Variants in EYS observed in about 807,000 individuals in gnomAD.
EYS encodes EGF-like photoreceptor maintenance factor.
In EYS, 250 loss-of-function variants were observed where a neutral mutation model predicts 282.1. The observed-to-expected ratio is 0.89, with a 90% CI of 0.80 to 0.98. The LOEUF is 0.98. Among genes scored for constraint, EYS ranks in the 50% least tolerant of loss-of-function variants. EYS has a pLI of 0.00. For synonymous variants in EYS, 1,355 were observed against 1,282.9 expected (o/e 1.06, Z -1.20); for missense variants, 4,016 against 3,709.0 (o/e 1.08, Z -2.15).
chr6:65,483,842 A>G (rs1204079072), intron 5 of EYS, among the ~76,000 whole-genome samples: 1 of 152,104 alleles, frequency 6.6e-6, no homozygotes, highest in East Asian at 1.9e-4. Context: ...CACATCTTAC[A>G]TGGATGGCAG....
At chr6:65,478,975 G>GA (rs1271902232) in intron 5 of EYS, among the ~76,000 whole-genome samples, 1 of 152,066 alleles carries the variant, frequency 6.6e-6, no homozygotes, top group African/African-American at 2.4e-5. Context: ...AGTAAACTCA[G>GA]AAATTTATCC....
At chr6:65,293,075 C>A (rs755001497) in intron 12 of EYS, among the ~76,000 whole-genome samples, 1 of 151,458 alleles carries the variant, frequency 6.6e-6, no homozygotes, top group South Asian at 2.1e-4. Flanking sequence ...AACTTGAATC[C>A]TATTGGTTAA....
At chr6:64,288,608 A>G (rs1768583604) in intron 30 of EYS, among the ~76,000 whole-genome samples, 1 of 152,140 alleles carries the variant, frequency 6.6e-6, no homozygotes, top group Admixed American at 6.6e-5. Context: ...GCCTGATAAC[A>G]CATCCTCATA....
intron 5 of EYS, among the ~76,000 whole-genome samples, chr6:65,443,689 CAT>C (rs1049001751): frequency 3.5e-5 from 5 of 142,268 alleles, no homozygotes; most frequent in African/African-American, 7.6e-5. Context: ...CACACATACA[CAT>C]ATATACACAT....
chr6:63,961,723 C>A (rs368223549), intron 35 of EYS, among the ~76,000 whole-genome samples: 1 of 152,094 alleles, frequency 6.6e-6, no homozygotes. Context: ...TAATCCCATC[C>A]GTAATGGTGG....
At chr6:65,320,458 G>T (rs1769442285) in intron 11 of EYS, among the ~76,000 whole-genome samples, 1 of 152,134 alleles carries the variant, frequency 6.6e-6, no homozygotes, top group Non-Finnish European at 1.5e-5. Context: ...GCAGCCCTGG[G>T]ACTGGTGCAG....
chr6:64,229,097 A>C (rs1392907561), intron 31 of EYS, among the ~76,000 whole-genome samples: 2 of 152,144 alleles, frequency 1.3e-5, no homozygotes, highest in Non-Finnish European at 2.9e-5. Flanking sequence ...TAACGTGGTG[A>C]AATCCTGTCT....
chr6:64,675,435 T>TTC (rs1223262227), intron 22 of EYS, among the ~76,000 whole-genome samples: 5 of 142,758 alleles, frequency 3.5e-5, no homozygotes, highest in South Asian at 2.3e-4. Flanking sequence ...TTTCTTTTTT[T>TTC]TTTTTTTTTT....
chr6:64,648,685 A>G (rs951397807), intron 22 of EYS, among the ~76,000 whole-genome samples: 2 of 152,224 alleles, frequency 1.3e-5, no homozygotes, highest in Non-Finnish European at 2.9e-5. Flanking sequence ...CAAAAAGTAA[A>G]GGTCATAAAA....
At chr6:65,295,495 A>G (rs1473642982) in intron 12 of EYS, among the ~76,000 whole-genome samples, 1 of 151,906 alleles carries the variant, frequency 6.6e-6, no homozygotes, top group African/African-American at 2.4e-5. Context: ...TTGTCACTCC[A>G]TGTGCTTATG....
At chr6:64,212,810 G>A (rs1004451478) in intron 31 of EYS, among the ~76,000 whole-genome samples, 3 of 152,000 alleles carry the variant, frequency 2.0e-5, no homozygotes, top group East Asian at 1.9e-4. Flanking sequence ...TCATGCATGC[G>A]TATGTTCATT....
At chr6:64,634,061 T>G (rs6454941) in intron 22 of EYS, among the ~76,000 whole-genome samples, 91,289 of 152,052 alleles carry the variant, frequency 0.6, 27,582 homozygotes, top group South Asian at 0.68. Context: ...TCAACTCACT[T>G]CAACCTCCGC....
intron 26 of EYS, among the ~76,000 whole-genome samples, chr6:64,446,039 A>T (rs1458545379): frequency 6.6e-6 from 1 of 152,216 alleles, no homozygotes; most frequent in Non-Finnish European, 1.5e-5. Flanking sequence ...TAAAGATATT[A>T]ACTTTCATCT....
intron 31 of EYS, among the ~76,000 whole-genome samples, chr6:64,101,467 C>T (rs1239221980): frequency 6.6e-6 from 1 of 151,364 alleles, no homozygotes; most frequent in African/African-American, 2.4e-5. Context: ...TGCATGCATG[C>T]ACATAAAAGC....
At chr6:65,058,404 G>A (rs1773477571) in intron 12 of EYS, among the ~76,000 whole-genome samples, 1 of 151,980 alleles carries the variant, frequency 6.6e-6, no homozygotes, top group Admixed American at 6.6e-5. Flanking sequence ...ACCCACTTTG[G>A]CCTCCCAAAG....
chr6:65,490,658 GAAA>G lies in EYS; in HGVS notation c.795_797del (p.Phe266del), dbSNP rs1343820636. The G allele has an allele frequency of 1.9e-6, 3 of 1,612,672 alleles. No individual in the cohort carries two copies. Among genetic ancestry groups the G allele is most frequent in the Non-Finnish European group, 2.5e-6 (3 of 1,179,232 alleles). ...AAGTAATATTGCTGCAGTTTCCATG[GAAA>G]CAGACATGTGGTTGACACTGGCCAA... On this transcript the variant is annotated inframe_deletion, in exon 5 of 43. Transcript: ENST00000503581.
intron 12 of EYS, among the ~76,000 whole-genome samples, chr6:65,201,086 G>A (rs1024403747): frequency 6.6e-6 from 1 of 151,912 alleles, no homozygotes; most frequent in South Asian, 2.1e-4. Flanking sequence ...ATCTATTGAC[G>A]ATATATTGTT....
At chr6:64,439,454 G>T (rs3857528) in intron 26 of EYS, 102 bp from the exon 27 acceptor site, 2 of 703,774 alleles carry the variant, frequency 2.8e-6, no homozygotes, top group Non-Finnish European at 4.3e-6. Context: ...TGACTCATAC[G>T]TCTCTTTCCT....
chr6:64,398,290 G>C (rs368153483), intron 28 of EYS, among the ~76,000 whole-genome samples: 1 of 151,834 alleles, frequency 6.6e-6, no homozygotes, highest in African/African-American at 2.4e-5. Flanking sequence ...TCCTGTAAAT[G>C]ATTCTCTTTC....
Sources: allele counts gnomAD v4.1 joint callset (sites outside exome capture counted in the v4.1 genomes callset), GRCh38; gene constraint gnomAD v4.1.1; transcripts MANE v1.5; gene names NCBI Gene and HGNC (gene_info 2026-07-23, HGNC 2026-07-21).